Variants in ANK2 observed in about 807,000 individuals in gnomAD.
ANK2 encodes the protein ankyrin 2, also known as ankyrin-2.
A neutral mutation model predicts 360.5 loss-of-function variants in ANK2; 83 were observed. The ratio of observed to expected loss-of-function variants is 0.23; its 90% CI spans 0.19 to 0.28. ANK2 has a LOEUF of 0.28. ANK2 is among the 10% of genes least tolerant of loss of function. ANK2 has a pLI of 1.00. For synonymous variants in ANK2, 1,740 were observed against 1,759.5 expected (o/e 0.99, Z 0.28); for missense variants, 4,201 against 4,795.7 (o/e 0.88, Z 3.66).
At chr4:113,036,616 CTTAAAT>C (rs763740576) in intron 2 of ANK2, among the ~76,000 whole-genome samples, 26 of 151,800 alleles carry the variant, frequency 1.7e-4, no homozygotes, top group Admixed American at 9.9e-4. Context: ...CTAGTTTCCA[CTTAAAT>C]TTAGACTGTG....
At chr4:112,944,493 A>T (rs909904071) in intron 2 of ANK2, among the ~76,000 whole-genome samples, 1 of 152,226 alleles carries the variant, frequency 6.6e-6, no homozygotes, top group Non-Finnish European at 1.5e-5. Flanking sequence ...AATCATTGCT[A>T]CAGTACATAA....
chr4:113,044,512 C>A lies in ANK2; in HGVS notation c.22-129904C>A, dbSNP rs542119388. 4.8e-4 allele frequency among the ~76,000 whole-genome samples: 73 copies of A among 152,278 alleles called. No homozygotes were observed. In the South Asian group the frequency reaches 0.014, roughly 29 times the overall value. On this transcript the variant is annotated intron_variant, in intron 2 of 30. Coordinates refer to the ANK2 transcript ENST00000503271. The stretch of plus-strand genomic sequence containing the variant: ...GTTTCCTAGGGTTGCCATAGCAAAG[C>A]ACTACAAACTGGGTGGCTTAAAATA...
rs745700124 is a variant in ANK2, at chr4:112,897,048, C to A, written c.-39-7407C>A. Among the ~76,000 whole-genome samples the A allele has an allele frequency of 6.2e-4, 94 of 152,160 alleles. 1 individual carries two copies. The highest frequency in any genetic ancestry group is 3.2e-3 in the Middle Eastern group (1 of 316). ...ACTCTCCCCTCTGCTTCTTTTCCAG[C>A]TGGTGATCTGACAAGTCATATTTCT... On this transcript the variant is annotated intron_variant, in intron 1 of 30. Coordinates refer to the ANK2 transcript ENST00000503271.
chr4:112,749,047 G>A, the ANK2 span, among the ~76,000 whole-genome samples: 1 of 152,294 alleles, frequency 6.6e-6, no homozygotes, highest in African/African-American at 2.4e-5. Flanking sequence ...TTACAGGCGT[G>A]TGCCACCACG....
chr4:113,215,641 A>G (rs2099077339), intron 4 of ANK2, among the ~76,000 whole-genome samples: 1 of 152,158 alleles, frequency 6.6e-6, no homozygotes, highest in Non-Finnish European at 1.5e-5. Context: ...GAATGTGAAT[A>G]ATTAGAAAAA....
chr4:112,707,155 G>GA, the ANK2 span, among the ~76,000 whole-genome samples: 3 of 152,174 alleles, frequency 2.0e-5, no homozygotes, highest in Admixed American at 1.3e-4. Context: ...ATTGGTTGAT[G>GA]AATACTATCT....
chr4:113,146,071 T>C (rs2096824140), intron 1 of ANK2: 1 of 1,274,284 alleles, frequency 7.8e-7, no homozygotes, highest in African/African-American at 1.5e-5. Flanking sequence ...TAGACCTCAT[T>C]GGTCAGACCT....
At chr4:113,343,399 C>A (rs540279052) in intron 34 of ANK2, among the ~76,000 whole-genome samples, 13 of 151,966 alleles carry the variant, frequency 8.6e-5, no homozygotes, top group Non-Finnish European at 1.9e-4. Flanking sequence ...GCACAGTGAC[C>A]GGTATTTTCC....
At chr4:112,977,913 A>T (rs1466190525) in intron 2 of ANK2, among the ~76,000 whole-genome samples, 3 of 152,198 alleles carry the variant, frequency 2.0e-5, no homozygotes, top group Non-Finnish European at 4.4e-5. Context: ...ATGAATTTTT[A>T]AATAAGATTC....
At chr4:113,262,678 T>A (rs1034693966) in intron 13 of ANK2, among the ~76,000 whole-genome samples, 5 of 152,136 alleles carry the variant, frequency 3.3e-5, no homozygotes, top group African/African-American at 4.8e-5. Context: ...CAAAAAATTT[T>A]AAAAAGTACA....
At chr4:113,012,203 A>G (rs1271357645) in intron 2 of ANK2, among the ~76,000 whole-genome samples, 1 of 152,164 alleles carries the variant, frequency 6.6e-6, no homozygotes, top group Non-Finnish European at 1.5e-5. Flanking sequence ...TTCCCTATCA[A>G]AACAGAATGA....
chr4:112,848,606 A>G (rs2063890883), intron 1 of ANK2, among the ~76,000 whole-genome samples: 3 of 152,236 alleles, frequency 2.0e-5, no homozygotes, highest in South Asian at 2.1e-4. Context: ...AGTTTTCTCC[A>G]ATCTGTGTTT....
chr4:112,957,118 A>C (rs1056550815), intron 2 of ANK2, among the ~76,000 whole-genome samples: 4 of 150,320 alleles, frequency 2.7e-5, no homozygotes, highest in African/African-American at 9.8e-5. Context: ...CAGATAAACA[A>C]GTGAACAAAG....
the ANK2 span, among the ~76,000 whole-genome samples, chr4:112,748,455 C>T: frequency 0.02 from 3,049 of 152,276 alleles, 108 homozygotes; most frequent in African/African-American, 0.07. Context: ...GACCTGGTGT[C>T]CTTAATTCCT....
intron 2 of ANK2, among the ~76,000 whole-genome samples, chr4:112,915,532 C>T: frequency 6.6e-6 from 1 of 152,016 alleles, no homozygotes; most frequent in East Asian, 1.9e-4. Flanking sequence ...GGGTGGATCA[C>T]TTGAGTCCAG....
chr4:112,738,900 A>G, the ANK2 span: 26 of 684,262 alleles, frequency 3.8e-5, no homozygotes, highest in African/African-American at 4.5e-4. Flanking sequence ...AAAACAAAAA[A>G]CAAAGCACAT....
intron 26 of ANK2, among the ~76,000 whole-genome samples, chr4:113,324,298 A>G (rs140635099): frequency 2.2e-4 from 34 of 152,312 alleles, no homozygotes; most frequent in African/African-American, 7.7e-4. Flanking sequence ...ACTGCTATAA[A>G]TGCAACCTTT....
chr4:112,856,685 G>A (rs1449274727), intron 1 of ANK2, among the ~76,000 whole-genome samples: 6 of 152,196 alleles, frequency 3.9e-5, no homozygotes, highest in Non-Finnish European at 7.3e-5. Context: ...CCAAGATCAC[G>A]CCACTGCACT....
the ANK2 span, among the ~76,000 whole-genome samples, chr4:112,718,159 GTGT>G: frequency 1.3e-5 from 2 of 152,310 alleles, no homozygotes; most frequent in South Asian, 2.1e-4. Flanking sequence ...TGTTTAGAAG[GTGT>G]TGTTGTTTTC....
Sources: gnomAD v4.1 joint callset for allele counts (sites outside exome capture counted in the v4.1 genomes callset) on GRCh38, gnomAD v4.1.1 for gene constraint, MANE v1.5 for transcripts, NCBI Gene and HGNC (gene_info 2026-07-23, HGNC 2026-07-21) for gene names.